CSMD1: variants seen among roughly 807,000 people sequenced by gnomAD.
CSMD1 encodes CUB and Sushi multiple domains 1, also known as CUB and sushi domain-containing protein 1.
A neutral mutation model predicts 417.5 loss-of-function variants in CSMD1; 213 were observed. The ratio of observed to expected loss-of-function variants is 0.51; its 90% CI spans 0.46 to 0.57. CSMD1 has a LOEUF of 0.57. Among genes scored for constraint, CSMD1 ranks in the 20% least tolerant of loss-of-function variants. The pLI, the probability that CSMD1 is intolerant of heterozygous loss-of-function variation, is 0.00. For missense variants in CSMD1, 6,923 were observed against 4,529.7 expected, an observed-to-expected ratio of 1.53 and a Z score of -15.17; for synonymous variants, 2,862 against 1,736.8, an observed-to-expected ratio of 1.65 and a Z score of -16.11.
At chr8:4,170,515 T>G (rs1045000372) in intron 3 of CSMD1, among the ~76,000 whole-genome samples, 1 of 151,874 alleles carries the variant, frequency 6.6e-6, no homozygotes, top group Non-Finnish European at 1.5e-5. Flanking sequence ...TGTTATTAAG[T>G]AGAGGTAAAG....
chr8:4,714,637 C>T (rs1449079715), intron 1 of CSMD1, among the ~76,000 whole-genome samples: 1 of 36,626 alleles, frequency 2.7e-5, no homozygotes, highest in Non-Finnish European at 4.9e-5. Flanking sequence ...AAAACACAGG[C>T]CCTTTCCCCA....
intron 5 of CSMD1, among the ~76,000 whole-genome samples, chr8:3,986,190 G>A (rs751718556): frequency 6.6e-6 from 1 of 152,054 alleles, no homozygotes; most frequent in Non-Finnish European, 1.5e-5. Flanking sequence ...ATTTTAAGCT[G>A]CCCCTCGGTC....
intron 6 of CSMD1, among the ~76,000 whole-genome samples, chr8:3,710,701 T>C (rs1470382999): frequency 6.6e-6 from 1 of 152,180 alleles, no homozygotes; most frequent in Non-Finnish European, 1.5e-5. Context: ...GCAGCGACAC[T>C]GTGCAGTATT....
intron 10 of CSMD1, among the ~76,000 whole-genome samples, chr8:3,506,803 T>A (rs1032991451): frequency 6.6e-6 from 1 of 152,200 alleles, no homozygotes; most frequent in South Asian, 2.1e-4. Context: ...ACACCTGGAT[T>A]TTTTAAATGC....
chr8:4,190,596 C>T (rs189253670), intron 3 of CSMD1, among the ~76,000 whole-genome samples: 7 of 149,420 alleles, frequency 4.7e-5, no homozygotes, highest in East Asian at 4.0e-4. Context: ...ATGTTTATAA[C>T]GATGTGGAAT....
At chr8:4,140,880 G>C (rs975997379) in intron 3 of CSMD1, among the ~76,000 whole-genome samples, 1 of 151,026 alleles carries the variant, frequency 6.6e-6, no homozygotes, top group Non-Finnish European at 1.5e-5. Context: ...GGAGATTGCT[G>C]ATCGCCAATG....
intron 17 of CSMD1, among the ~76,000 whole-genome samples, chr8:3,393,826 C>T (rs1405091526): frequency 6.6e-6 from 1 of 150,748 alleles, no homozygotes; most frequent in African/African-American, 2.4e-5. Context: ...ACATCACACT[C>T]TGGGGCCTGT....
Position 3,660,545 on chromosome 8 carries a change from A to T in CSMD1, c.1010-43748T>A, listed in dbSNP as rs1421087923. ...TTTTTTTTTTTTTTTTTTTGAAAAA[A>T]AACAAGGCCCTGCAGTCCAGGCAAG... On this transcript the variant is annotated intron_variant, in intron 7 of 69. Transcript: ENST00000635120. 2.8e-5 allele frequency among the ~76,000 whole-genome samples: 2 copies of T among 71,870 alleles called. 1 individual carries two copies. The highest frequency in any genetic ancestry group is 1.2e-4 in the African/African-American group (2 of 16,932). The allele number at this position is 71,870 out of a possible 152,430, so 47.1% of individuals were successfully genotyped here.
At chr8:4,007,404 T>C (rs1470384705) in intron 4 of CSMD1, among the ~76,000 whole-genome samples, 1 of 152,210 alleles carries the variant, frequency 6.6e-6, no homozygotes, top group Non-Finnish European at 1.5e-5. Flanking sequence ...CCTATGTTCC[T>C]GCCCTAAGGC....
At chr8:4,881,753 C>A (rs532983548) in intron 1 of CSMD1, among the ~76,000 whole-genome samples, 3 of 151,630 alleles carry the variant, frequency 2.0e-5, no homozygotes, top group African/African-American at 7.3e-5. Flanking sequence ...CTTTAGAGAC[C>A]ACACTGTTGA....
intron 5 of CSMD1, among the ~76,000 whole-genome samples, chr8:3,893,196 C>A (rs993640102): frequency 5.9e-5 from 9 of 151,322 alleles, no homozygotes; most frequent in African/African-American, 2.2e-4. Context: ...CAGGGCACGT[C>A]AGAAATAAAG....
intron 10 of CSMD1, among the ~76,000 whole-genome samples, chr8:3,498,765 A>T (rs1467224741): frequency 6.6e-6 from 1 of 151,848 alleles, no homozygotes; most frequent in Admixed American, 6.6e-5. Context: ...TTTCATCTTG[A>T]TCTAGTCTGT....
intron 27 of CSMD1, among the ~76,000 whole-genome samples, chr8:3,227,644 A>C (rs1191875075): frequency 1.3e-5 from 2 of 152,212 alleles, no homozygotes; most frequent in Admixed American, 6.5e-5. Context: ...GCCTTCTAAA[A>C]AGATTTAGTC....
Position 4,925,933 on chromosome 8 carries a change from C to G in CSMD1, c.85+68399G>C, listed in dbSNP as rs1047384625. On this transcript the variant is annotated intron_variant, in intron 1 of 69. Coordinates refer to ENST00000635120, the MANE Select transcript of CSMD1 (RefSeq NM_033225.6). ...CTTTTATTTCCCTGGTCATTTGATG[C>G]ATTTCCAGCCAGAGGTTTATATTTT... Among the ~76,000 whole-genome samples, 2 of 152,166 alleles carry G rather than the reference C, an allele frequency of 1.3e-5. 1 individual carries two copies. The highest frequency in any genetic ancestry group is 1.3e-4 in the Admixed American group (2 of 15,272).
chr8:3,484,309 G>C (rs181454445), intron 11 of CSMD1, among the ~76,000 whole-genome samples: 1 of 152,284 alleles, frequency 6.6e-6, no homozygotes, highest in Admixed American at 6.5e-5. Flanking sequence ...TTTTGATGAA[G>C]GCAGAAAAGC....
intron 11 of CSMD1, among the ~76,000 whole-genome samples, chr8:3,475,200 C>T (rs1817335727): frequency 3.3e-5 from 5 of 152,134 alleles, no homozygotes; most frequent in South Asian, 4.2e-4. Context: ...AGGATTTTTG[C>T]CTCTAGGTCA....
chr8:4,129,659 C>G (rs867126791), intron 3 of CSMD1, among the ~76,000 whole-genome samples: 1 of 151,900 alleles, frequency 6.6e-6, no homozygotes, highest in South Asian at 2.1e-4. Context: ...CTCTTTTGTC[C>G]CAATGTTCTG....
At chr8:3,069,226 G>T (rs998368272) in intron 49 of CSMD1, among the ~76,000 whole-genome samples, 1 of 152,038 alleles carries the variant, frequency 6.6e-6, no homozygotes, top group Non-Finnish European at 1.5e-5. Context: ...ACGAGATCAG[G>T]AGCTTGAGAC....
intron 2 of CSMD1, among the ~76,000 whole-genome samples, chr8:4,636,467 C>T (rs1802816116): frequency 6.6e-6 from 1 of 152,152 alleles, no homozygotes; most frequent in Non-Finnish European, 1.5e-5. Flanking sequence ...ATGTTGTTCC[C>T]TCACCCACCT....
Sources: allele counts gnomAD v4.1 joint callset (sites outside exome capture counted in the v4.1 genomes callset), GRCh38; gene constraint gnomAD v4.1.1; transcripts MANE v1.5; gene names NCBI Gene and HGNC (gene_info 2026-07-23, HGNC 2026-07-21).